The following SMYD5 variants were observed in gnomAD, a reference collection of about 807,000 sequenced individuals.
SMYD5 encodes protein-lysine N-trimethyltransferase SMYD5.
In SMYD5, 35 loss-of-function variants were observed where a neutral mutation model predicts 57.4. The ratio of observed to expected loss-of-function variants is 0.61; its 90% CI spans 0.47 to 0.81. The LOEUF is 0.81. Ranked by LOEUF, SMYD5 falls within the 30% of genes least tolerant of loss-of-function variation. The pLI is 0.00. For missense variants in SMYD5, 471 were observed against 527.9 expected, an observed-to-expected ratio of 0.89 and a Z score of 1.06; for synonymous variants, 198 against 189.7, an observed-to-expected ratio of 1.04 and a Z score of -0.36.
chr2:73,221,464 C>G (rs1686396429), intron 5 of SMYD5, among the ~76,000 whole-genome samples: 1 of 149,408 alleles, frequency 6.7e-6, no homozygotes, highest in African/African-American at 2.5e-5. Flanking sequence ...ACTTAAAGAC[C>G]AGTGTGATAG....
chr2:73,223,578 C>A (rs761024069), intron 9 of SMYD5, 46 bp downstream of exon 9: 5 of 1,271,636 alleles, frequency 3.9e-6, no homozygotes, highest in Non-Finnish European at 5.8e-6. Context: ...GGCGACCCCC[C>A]CAGTCAGATG....
At position 73,223,418 on chromosome 2, in the gene SMYD5, C is replaced by T. The variant is rs1216579354; in HGVS notation, c.777-8C>T. ...CTCCCCAACCATGGGCTGCCTGGGA[C>T]CCCCCAGCTCCCTAAGCCAGTGGGT... On this transcript the variant is annotated splice_polypyrimidine_tract_variant and splice_region_variant and intron_variant, in intron 8 of 12. Transcript: ENST00000389501. 6.3e-7 allele frequency: 1 copy of T among 1,592,302 alleles called. No individual in the cohort carries two copies. Among genetic ancestry groups the T allele is most frequent in the Non-Finnish European group, 8.6e-7 (1 of 1,160,508 alleles).
intron 10 of SMYD5, among the ~76,000 whole-genome samples, chr2:73,224,442 G>A (rs1049608635): frequency 2.6e-5 from 4 of 152,002 alleles, no homozygotes; most frequent in African/African-American, 9.7e-5. Flanking sequence ...CCCACCCCCT[G>A]GTTTCCTCAC....
intron 11 of SMYD5, 86 bp downstream of exon 11, chr2:73,225,046 C>A: frequency 2.1e-6 from 2 of 974,468 alleles, no homozygotes; most frequent in Non-Finnish European, 3.2e-6. Context: ...GTGGCTAGAG[C>A]ACCTTGAAGT....
chr2:73,220,423 C>T (rs1686362978), intron 3 of SMYD5, among the ~76,000 whole-genome samples: 1 of 152,114 alleles, frequency 6.6e-6, no homozygotes, highest in South Asian at 2.1e-4. Context: ...TTGGTGGGAG[C>T]TTGCTTTCTT....
At chr2:73,220,816 C>T (rs1686373256) in intron 4 of SMYD5, 34 bp downstream of exon 4, 6 of 1,609,894 alleles carry the variant, frequency 3.7e-6, no homozygotes, top group South Asian at 1.1e-5. Context: ...TTCCTTTATC[C>T]TTTCCTCCCT....
chr2:73,223,623 T>C, intron 9 of SMYD5, 91 bp downstream of exon 9: 1 of 909,914 alleles, frequency 1.1e-6, no homozygotes, highest in Non-Finnish European at 1.8e-6. Flanking sequence ...GTGCTCTGAA[T>C]TAATGGTGGG....
rs1306226109 is a variant in SMYD5, at chr2:73,226,278, C to T, written c.*332C>T. The T allele has an allele frequency of 3.3e-6, 1 of 306,424 alleles. No homozygotes were observed. The highest frequency in any genetic ancestry group is 2.1e-5 in the African/African-American group (1 of 47,166). 19.0% of individuals were successfully genotyped at this position (306,424 alleles called of 1,614,324 possible). On this transcript the variant is annotated 3_prime_UTR_variant, in exon 13 of 13. Transcript: ENST00000389501. ...GTGTTTCTTCCCCTCGGCCCCACGG[C>T]CCATACTCACCCCTTCACCTGAGGC...
At chr2:73,217,393 A>T (rs750338328) in intron 1 of SMYD5, among the ~76,000 whole-genome samples, 6 of 152,216 alleles carry the variant, frequency 3.9e-5, no homozygotes, top group African/African-American at 7.2e-5. Context: ...CTTCACAAAG[A>T]GAGGGAGATC....
At position 73,218,879 on chromosome 2, in the gene SMYD5, A is replaced by G; in HGVS notation, c.115A>G (p.Thr39Ala). 1.9e-6 allele frequency: 3 copies of G among 1,614,062 alleles called. No individual in the cohort carries two copies. Among genetic ancestry groups the G allele is most frequent in the Non-Finnish European group, 2.5e-6 (3 of 1,179,928 alleles). ...SSAKGKGLFATQLIRKGETIF... is the reference protein window; with the variant it reads ...SSAKGKGLFAAQLIRKGETIF... ...CTCTCAGGGAAAGGGGCTGTTTGCC[A>G]CACAGCTCATCCGGAAGGGGGAGAC... Residue 39 changes from threonine (T) to alanine (A), a missense_variant, in exon 2 of 13, where the codon ACA (threonine) becomes GCA (alanine). Thr to Ala is a moderately conservative substitution (Grantham distance 58). Transcript: ENST00000389501.
rs1686436768 is a variant in SMYD5 at position 73,223,474 on chromosome 2, T to G, written c.825T>G (p.Pro275=). The change falls in exon 9 of 13, where the codon CCT becomes CCG. Residue 275 remains proline (P), a synonymous_variant. Transcript: ENST00000389501. ...CCTGTGACACTCTGGAGTTGAAGCC[T>G]CAGGACCGTGAGCAGCTTGACGCCT... ...VHACDTLELK[P]QDREQLDAFI... 1 of 1,614,114 alleles carries G rather than the reference T, an allele frequency of 6.2e-7. No individual in the cohort carries two copies. The highest frequency in any genetic ancestry group is 1.3e-5 in the African/African-American group (1 of 75,038).
In SMYD5 at chr2:73,226,093, T is replaced by C. The variant is rs866951022; in HGVS notation, c.*147T>C. Reference sequence around the variant, plus strand: ...CTCTGCTAGAGGGTAGGAGAGAGCCTGGATCTCTGGCCCCAACCCCCACCA... The same window carrying C: ...CTCTGCTAGAGGGTAGGAGAGAGCCCGGATCTCTGGCCCCAACCCCCACCA... On this transcript the variant is annotated 3_prime_UTR_variant, in exon 13 of 13. Coordinates refer to ENST00000389501, the MANE Select transcript of SMYD5 (RefSeq NM_006062.3). 1.9e-5 allele frequency: 21 copies of C among 1,133,818 alleles called. No individual in the cohort carries two copies. The African/African-American group carries it at 2.5e-4, about 14-fold the overall frequency. 70.2% of individuals were successfully genotyped at this position (1,133,818 alleles called of 1,614,324 possible).
At chr2:73,219,986 G>T (rs933705770) in intron 2 of SMYD5, 65 bp from the exon 3 acceptor site, 60 of 1,604,300 alleles carry the variant, frequency 3.7e-5, no homozygotes, top group Non-Finnish European at 5.0e-5. Context: ...GCTCTGTAGG[G>T]CTGTGAAAGG....
chr2:73,223,353 C>G (rs992767405), intron 8 of SMYD5, 73 bp from the exon 9 acceptor site: 4 of 1,075,120 alleles, frequency 3.7e-6, no homozygotes, highest in Non-Finnish European at 5.7e-6. Flanking sequence ...CTGGGCTTAA[C>G]TTACCTGGAG....
intron 11 of SMYD5, 137 bp downstream of exon 11, chr2:73,225,097 A>G: frequency 3.1e-6 from 2 of 637,260 alleles, no homozygotes; most frequent in Non-Finnish European, 5.5e-6. Flanking sequence ...TTAGGGTCTG[A>G]GTCTTTCAGC....
At position 73,220,885 on chromosome 2, in the gene SMYD5, T is replaced by G. The variant is rs887206848; in HGVS notation, c.467+103T>G. 3.2e-5 allele frequency: 44 copies of G among 1,363,032 alleles called. No homozygotes were observed. In the East Asian group the frequency reaches 1.0e-3, roughly 32 times the overall value. The allele number at this position is 1,363,032 out of a possible 1,614,324, so 84.4% of individuals were successfully genotyped here. On this transcript the variant is annotated intron_variant, in intron 4 of 12. Transcript: ENST00000389501. ...CTTTCTTAAGTTCCAATTCCCCGGA[T>G]TTTTCTTCCTTTCTTAGGGTTAAAC...
chr2:73,225,015 C>A, intron 11 of SMYD5, 55 bp downstream of exon 11: 1 of 1,364,476 alleles, frequency 7.3e-7, no homozygotes, highest in South Asian at 1.2e-5. Context: ...TGGAAGTTCT[C>A]TGCAGGGATC....
chr2:73,222,458 G>C (rs1215821061), intron 6 of SMYD5, among the ~76,000 whole-genome samples: 1 of 152,222 alleles, frequency 6.6e-6, no homozygotes, highest in African/African-American at 2.4e-5. Context: ...CTGGAGGCCA[G>C]GTCAAGGGAG....
intron 10 of SMYD5, among the ~76,000 whole-genome samples, chr2:73,224,362 G>A (rs1440560356): frequency 2.6e-5 from 4 of 152,250 alleles, no homozygotes; most frequent in East Asian, 1.9e-4. Flanking sequence ...GCTACAGGGC[G>A]AGTCTCATCA....
Sources: gnomAD v4.1 joint callset for allele counts (sites outside exome capture counted in the v4.1 genomes callset) on GRCh38, gnomAD v4.1.1 for gene constraint, MANE v1.5 for transcripts, NCBI Gene and HGNC (gene_info 2026-07-23, HGNC 2026-07-21) for gene names.